SLC9A7: variants seen among roughly 807,000 people sequenced by gnomAD.
The protein encoded by SLC9A7 is sodium/hydrogen exchanger 7.
In SLC9A7, 19 loss-of-function variants were observed where a neutral mutation model predicts 52.6. The ratio of observed to expected loss-of-function variants is 0.36; its 90% CI spans 0.25 to 0.53. The LOEUF is 0.53. SLC9A7 is among the 20% of genes least tolerant of loss of function. The probability of loss-of-function intolerance (pLI) is 0.91; values close to 1 mark genes in which losing one functional copy is unlikely to be tolerated. For missense variants in SLC9A7, 455 were observed against 597.9 expected, an observed-to-expected ratio of 0.76 and a Z score of 2.49; for synonymous variants, 226 against 252.1, an observed-to-expected ratio of 0.90 and a Z score of 0.98.
At chrX:46,648,147 C>T (rs754458717) in intron 11 of SLC9A7, among the ~76,000 whole-genome samples, 1 of 112,469 alleles carries the variant, frequency 8.9e-6, no homozygotes, top group East Asian at 2.8e-4. Flanking sequence ...GCAGGATGAT[C>T]ACAGTTATTA....
At chrX:46,752,979 G>A (rs1556289157) in intron 1 of SLC9A7, among the ~76,000 whole-genome samples, 1 of 112,037 alleles carries the variant, frequency 8.9e-6, no homozygotes, top group Non-Finnish European at 1.9e-5. Context: ...TCTAAGAAAT[G>A]CTTTTAGTAA....
chrX:46,664,395 C>T (rs1943883315), intron 5 of SLC9A7, among the ~76,000 whole-genome samples: 1 of 111,387 alleles, frequency 9.0e-6, no homozygotes, highest in Admixed American at 9.6e-5. Flanking sequence ...GTACTGGTAC[C>T]CAAGATAAAT....
In SLC9A7 at chrX:46,727,428, A is replaced by C. The variant is rs778161359; in HGVS notation, c.325+31277T>G. 3.5e-5 allele frequency among the ~76,000 whole-genome samples: 4 copies of C among 112,772 alleles called. No homozygotes were observed. In the South Asian group the frequency reaches 1.1e-3, roughly 31 times the overall value. On this transcript the variant is annotated intron_variant, in intron 1 of 16. Transcript: ENST00000616978. ...CACAATTACTCTGGTACAGTGAAGG[A>C]AAGTCATGGAATTTTAAAAGTTCCG... is the stretch of plus-strand genomic sequence containing the variant.
intron 13 of SLC9A7, among the ~76,000 whole-genome samples, chrX:46,633,264 C>A (rs1943251304): frequency 2.2e-5 from 2 of 92,500 alleles, no homozygotes; most frequent in Non-Finnish European, 4.1e-5. Context: ...GAGGGCCTTG[C>A]TACTGATATA....
intron 2 of SLC9A7, 49 bp downstream of exon 2, chrX:46,682,287 G>A (rs2146869836): frequency 8.9e-7 from 1 of 1,118,167 alleles, no homozygotes; most frequent in East Asian, 3.0e-5. Context: ...ACAAGTCAGG[G>A]AATCAACAAC....
intron 3 of SLC9A7, among the ~76,000 whole-genome samples, chrX:46,673,460 G>A (rs761009819): frequency 1.3e-4 from 15 of 111,352 alleles, no homozygotes; most frequent in Admixed American, 8.6e-4. Flanking sequence ...ATATTTTGAC[G>A]GAGGAAATTC....
intron 1 of SLC9A7, among the ~76,000 whole-genome samples, chrX:46,695,969 A>AT (rs1426367100): frequency 1.0e-5 from 1 of 95,609 alleles, no homozygotes; most frequent in Non-Finnish European, 2.0e-5. Context: ...CCAACTTTAT[A>AT]TTTTTACTTA....
At chrX:46,746,197 TGG>T (rs1317824717) in intron 1 of SLC9A7, among the ~76,000 whole-genome samples, 2 of 109,496 alleles carry the variant, frequency 1.8e-5, no homozygotes, top group African/African-American at 3.3e-5. Context: ...GGCGTGGTGG[TGG>T]GCACCTGTAA....
At position 46,603,683 on chromosome X, in the gene SLC9A7, A is replaced by T. The variant is rs1942695505; in HGVS notation, c.*3269T>A. The T allele has an allele frequency of 1.8e-5, 2 of 111,240 alleles. No individual in the cohort carries two copies. The highest frequency in any genetic ancestry group is 2.8e-4 in the East Asian group (1 of 3,553). The allele number at this position is 111,240 out of a possible 1,213,427, so 9.2% of individuals were successfully genotyped here. On this transcript the variant is annotated 3_prime_UTR_variant, in exon 17 of 17. Transcript: ENST00000616978. ...GAAACTCTGTCTCTACTAAAAATAT[A>T]AAAAAATTAGCTGGGTGTGGTGGCA...
At chrX:46,619,410 C>A (rs1943005695) in intron 15 of SLC9A7, among the ~76,000 whole-genome samples, 1 of 109,614 alleles carries the variant, frequency 9.1e-6, no homozygotes, top group East Asian at 2.8e-4. Flanking sequence ...GGTAGATTAC[C>A]AAAAAAAATA....
At chrX:46,749,692 T>A (rs897113383) in intron 1 of SLC9A7, among the ~76,000 whole-genome samples, 23 of 111,696 alleles carry the variant, frequency 2.1e-4, no homozygotes, top group African/African-American at 7.5e-4. Flanking sequence ...CCCAGGCTGA[T>A]CTAGCACAGG....
At chrX:46,739,521 G>A (rs960738667) in intron 1 of SLC9A7, among the ~76,000 whole-genome samples, 3 of 110,249 alleles carry the variant, frequency 2.7e-5, no homozygotes, top group African/African-American at 6.6e-5. Flanking sequence ...ACAGCCCTCC[G>A]ACCAGGTCCC....
intron 1 of SLC9A7, among the ~76,000 whole-genome samples, chrX:46,698,668 C>T (rs1944484931): frequency 8.9e-6 from 1 of 112,024 alleles, no homozygotes; most frequent in African/African-American, 3.2e-5. Flanking sequence ...TAGCTATTAC[C>T]ATGGATTTAT....
chrX:46,693,220 A>C (rs1944405227), intron 1 of SLC9A7, among the ~76,000 whole-genome samples: 1 of 111,791 alleles, frequency 8.9e-6, no homozygotes, highest in Non-Finnish European at 1.9e-5. Context: ...AATTCCAGCA[A>C]ATTTTTTGGC....
At chrX:46,725,721 T>A (rs1944933819) in intron 1 of SLC9A7, 15 of 1,169,619 alleles carry the variant, frequency 1.3e-5, no homozygotes, top group Middle Eastern at 2.9e-4. Flanking sequence ...AGAAATCTTC[T>A]TGTCAATGGA....
intron 5 of SLC9A7, among the ~76,000 whole-genome samples, chrX:46,668,218 C>T (rs1056392784): frequency 1.3e-4 from 15 of 112,249 alleles, no homozygotes; most frequent in African/African-American, 4.5e-4. Context: ...AAAGGCAAAA[C>T]ATGTTATACA....
At chrX:46,680,668 T>C (rs1281586063) in intron 2 of SLC9A7, among the ~76,000 whole-genome samples, 1 of 112,131 alleles carries the variant, frequency 8.9e-6, no homozygotes, top group Admixed American at 9.4e-5. Flanking sequence ...AGAACAAAGT[T>C]TTATCATATC....
intron 1 of SLC9A7, among the ~76,000 whole-genome samples, chrX:46,711,938 A>ACACACACACACT (rs1204079298): frequency 9.2e-6 from 1 of 108,227 alleles, no homozygotes; most frequent in Middle Eastern, 4.7e-3. Context: ...ACACACACAC[A>ACACACACACACT]CTTCCACTGA....
At chrX:46,733,572 T>C (rs759374346) in intron 1 of SLC9A7, among the ~76,000 whole-genome samples, 20 of 112,062 alleles carry the variant, frequency 1.8e-4, no homozygotes, top group Non-Finnish European at 3.6e-4. Flanking sequence ...TTGTAGCTTA[T>C]ATAGATGATA....
Sources: gnomAD v4.1 joint callset for allele counts (sites outside exome capture counted in the v4.1 genomes callset) on GRCh38, gnomAD v4.1.1 for gene constraint, MANE v1.5 for transcripts, NCBI Gene and HGNC (gene_info 2026-07-23, HGNC 2026-07-21) for gene names.